Variants in DLG2 observed in about 807,000 individuals in gnomAD.
DLG2 encodes discs large MAGUK scaffold protein 2.
Under a neutral mutation model 132.5 loss-of-function variants are expected in DLG2, and 45 were observed. The ratio of observed to expected loss-of-function variants is 0.34; its 90% CI spans 0.27 to 0.44. The LOEUF (loss-of-function observed/expected upper bound fraction) is 0.44, where lower values mean the gene tolerates loss of function less well. Among genes scored for constraint, DLG2 ranks in the 20% least tolerant of loss-of-function variants. The pLI is 1.00. For missense variants in DLG2, 1,045 were observed against 1,196.9 expected, an observed-to-expected ratio of 0.87 and a Z score of 1.87; for synonymous variants, 424 against 419.6, an observed-to-expected ratio of 1.01 and a Z score of -0.13.
intron 6 of DLG2, among the ~76,000 whole-genome samples, chr11:84,703,973 G>GT (rs1204862549): frequency 3.4e-5 from 5 of 145,408 alleles, no homozygotes; most frequent in Non-Finnish European, 6.0e-5. Flanking sequence ...TTATTATATT[G>GT]TTTTTTCCTC....
At chr11:84,139,309 T>C (rs1379871999) in intron 9 of DLG2, among the ~76,000 whole-genome samples, 4 of 152,100 alleles carry the variant, frequency 2.6e-5, no homozygotes, top group Non-Finnish European at 5.9e-5. Context: ...ATTCAATGCA[T>C]ATTTATAAAA....
chr11:84,031,578 A>G (rs1421537149), intron 11 of DLG2, among the ~76,000 whole-genome samples: 4 of 152,194 alleles, frequency 2.6e-5, no homozygotes, highest in Non-Finnish European at 4.4e-5. Context: ...TCAGTAAACT[A>G]GGTATGAATG....
At chr11:84,315,248 A>C (rs1391362717) in intron 7 of DLG2, among the ~76,000 whole-genome samples, 2 of 152,160 alleles carry the variant, frequency 1.3e-5, no homozygotes, top group African/African-American at 4.8e-5. Flanking sequence ...AGTTTCCCTC[A>C]GTTGATGAAA....
At position 85,086,336 on chromosome 11, in the gene DLG2, C is replaced by G. The variant is rs374134420; in HGVS notation, c.357+25325G>C. Among the ~76,000 whole-genome samples the G allele has an allele frequency of 3.3e-5, 5 of 152,228 alleles. No homozygotes were observed. The South Asian group carries it at 1.0e-3, about 32-fold the overall frequency. ...CATAGAATCTTACTCATCAAATAAA[C>G]TCTTCTGAAGAATCCAAAGTTTATG... On this transcript the variant is annotated intron_variant, in intron 6 of 27. Transcript: ENST00000376104.
intron 6 of DLG2, among the ~76,000 whole-genome samples, chr11:84,973,946 A>AT (rs1359198111): frequency 1.3e-5 from 2 of 152,140 alleles, no homozygotes; most frequent in African/African-American, 4.8e-5. Context: ...TAGCTTGCAG[A>AT]TTTATAGAAG....
intron 3 of DLG2, among the ~76,000 whole-genome samples, chr11:85,368,863 G>C (rs997372336): frequency 6.6e-6 from 1 of 152,258 alleles, no homozygotes; most frequent in Non-Finnish European, 1.5e-5. Context: ...ATTTGCAGCA[G>C]AGAGGAGACT....
intron 21 of DLG2, among the ~76,000 whole-genome samples, chr11:83,530,400 G>A (rs1413488790): frequency 6.6e-6 from 1 of 151,862 alleles, no homozygotes; most frequent in Non-Finnish European, 1.5e-5. Context: ...AAATCCCTGA[G>A]AAATTATAGC....
At chr11:85,556,719 A>G (rs2076958734) in intron 3 of DLG2, among the ~76,000 whole-genome samples, 3 of 151,830 alleles carry the variant, frequency 2.0e-5, no homozygotes, top group Admixed American at 2.0e-4. Flanking sequence ...AAGCCCACCT[A>G]TGTTCACCAG....
rs890746953 is a variant in DLG2 at position 83,996,902 on chromosome 11, A to G, written c.920-16260T>C. ...TAAATAGAAAGAATGAATAAGACCT[A>G]CTATAGTCCAAAAAGACAAGTAAAG... On this transcript the variant is annotated intron_variant, in intron 11 of 27. Transcript: ENST00000376104. Among the ~76,000 whole-genome samples the G allele has an allele frequency of 2.6e-5, 4 of 152,134 alleles. No individual in the cohort carries two copies. The East Asian group carries it at 7.7e-4, about 29-fold the overall frequency.
Position 85,314,738 on chromosome 11 carries a change from G to T in DLG2, c.41-29373C>A, listed in dbSNP as rs1256551525. Among the ~76,000 whole-genome samples, 3 of 151,960 alleles carry T rather than the reference G, an allele frequency of 2.0e-5. No individual in the cohort carries two copies. The South Asian group carries it at 6.2e-4, about 32-fold the overall frequency. ...TTGGCTTTATGAAAAGCCATGAATT[G>T]CCCTACCAGCTCTCTCAGCACAGGA... On this transcript the variant is annotated intron_variant, in intron 3 of 27. Coordinates refer to ENST00000376104, the MANE Select transcript of DLG2 (RefSeq NM_001142699.3).
rs1488756435 is a variant in DLG2, at chr11:84,360,093, G to A, written c.520-108802C>T. Reference sequence around the variant, plus strand: ...TTAATGGGATGCAATCAATCGTGCAGGTGAACAGGTATCTTTTCAATGAAA... The same window carrying A: ...TTAATGGGATGCAATCAATCGTGCAAGTGAACAGGTATCTTTTCAATGAAA... On this transcript the variant is annotated intron_variant, in intron 7 of 27. Transcript: ENST00000376104. 2.0e-5 allele frequency among the ~76,000 whole-genome samples: 3 copies of A among 151,862 alleles called. No individual in the cohort carries two copies. The East Asian group carries it at 5.8e-4, about 29-fold the overall frequency.
At chr11:85,385,728 C>G (rs181555073) in intron 3 of DLG2, among the ~76,000 whole-genome samples, 2 of 152,182 alleles carry the variant, frequency 1.3e-5, no homozygotes, top group African/African-American at 2.4e-5. Flanking sequence ...CCCCTGAGGC[C>G]AGAAGGGATT....
rs575929712 is a variant in DLG2 at position 83,922,611 on chromosome 11, A to G, written c.1496+7717T>C. 7.9e-5 allele frequency among the ~76,000 whole-genome samples: 12 copies of G among 152,268 alleles called. No individual in the cohort carries two copies. The South Asian group carries it at 2.3e-3, about 29-fold the overall frequency. On this transcript the variant is annotated intron_variant, in intron 15 of 27. Coordinates refer to ENST00000376104, the MANE Select transcript of DLG2 (RefSeq NM_001142699.3). The stretch of plus-strand genomic sequence containing the variant: ...CTAATGGTGCTGTTTCCCAGATTGA[A>G]TCGTGTGAACAAGGCTCAAATTTCC...
chr11:83,547,150 A>C (rs1474744352), intron 19 of DLG2, among the ~76,000 whole-genome samples: 1 of 152,162 alleles, frequency 6.6e-6, no homozygotes. Context: ...AGTTTTGGCT[A>C]TACCACTTTA....
At chr11:83,484,651 A>G (rs1055183902) in intron 21 of DLG2, among the ~76,000 whole-genome samples, 1 of 152,192 alleles carries the variant, frequency 6.6e-6, no homozygotes, top group African/African-American at 2.4e-5. Flanking sequence ...CTCACAAAAG[A>G]CAATGTAAAC....
chr11:85,502,926 T>C (rs1392647104), intron 3 of DLG2, among the ~76,000 whole-genome samples: 1 of 152,038 alleles, frequency 6.6e-6, no homozygotes, highest in Non-Finnish European at 1.5e-5. Context: ...ACAACCCAAA[T>C]GTCTACACAC....
At chr11:84,379,888 C>A (rs1399620) in intron 7 of DLG2, among the ~76,000 whole-genome samples, 1 of 151,770 alleles carries the variant, frequency 6.6e-6, no homozygotes, top group Admixed American at 6.6e-5. Context: ...GAAATCAAAC[C>A]TAGACTTACT....
At chr11:83,916,650 C>T (rs1271199312) in intron 15 of DLG2, among the ~76,000 whole-genome samples, 12 of 152,242 alleles carry the variant, frequency 7.9e-5, no homozygotes, top group African/African-American at 2.9e-4. Flanking sequence ...CTTAAACATG[C>T]TTACAGACAA....
At chr11:85,543,444 C>A (rs936937743) in intron 3 of DLG2, among the ~76,000 whole-genome samples, 3 of 152,188 alleles carry the variant, frequency 2.0e-5, no homozygotes, top group African/African-American at 7.2e-5. Context: ...CCACAATAAA[C>A]ATATGTGTGC....
Sources: gnomAD v4.1 joint callset for allele counts (sites outside exome capture counted in the v4.1 genomes callset) on GRCh38, gnomAD v4.1.1 for gene constraint, MANE v1.5 for transcripts, NCBI Gene and HGNC (gene_info 2026-07-23, HGNC 2026-07-21) for gene names.